Variants in RABGAP1L observed in about 807,000 individuals in gnomAD.
The protein encoded by RABGAP1L is RAB GTPase activating protein 1 like.
In RABGAP1L, 63 loss-of-function variants were observed where a neutral mutation model predicts 137.7. The ratio of observed to expected loss-of-function variants is 0.46; its 90% CI spans 0.37 to 0.56. The LOEUF (loss-of-function observed/expected upper bound fraction) is 0.56. Ranked by LOEUF, RABGAP1L falls within the 20% of genes least tolerant of loss-of-function variation. The pLI is 0.00. For missense variants in RABGAP1L, 1,095 were observed against 1,244.0 expected (o/e 0.88, Z 1.80); for synonymous variants, 431 against 433.7 (o/e 0.99, Z 0.08).
intron 13 of RABGAP1L, among the ~76,000 whole-genome samples, chr1:174,580,246 T>G (rs1381846588): frequency 6.6e-5 from 10 of 152,108 alleles, no homozygotes. Context: ...AAAGATTGAG[T>G]ATTCAGCCAT....
intron 12 of RABGAP1L, among the ~76,000 whole-genome samples, chr1:174,386,801 C>T (rs944292451): frequency 5.3e-5 from 8 of 152,034 alleles, no homozygotes; most frequent in South Asian, 4.1e-4. Flanking sequence ...GCCACCGCAC[C>T]GGCCTAGATT....
chr1:174,841,722 T>C (rs1693428283), intron 19 of RABGAP1L, among the ~76,000 whole-genome samples: 1 of 152,060 alleles, frequency 6.6e-6, no homozygotes, highest in African/African-American at 2.4e-5. Flanking sequence ...AAGAGAATCC[T>C]AAGAAAATAT....
chr1:174,609,540 T>C (rs1671029802), intron 13 of RABGAP1L, among the ~76,000 whole-genome samples: 1 of 152,146 alleles, frequency 6.6e-6, no homozygotes, highest in African/African-American at 2.4e-5. Context: ...TCATATGGTA[T>C]TAAGAACAGC....
chr1:174,808,678 A>T (rs1689575885), intron 18 of RABGAP1L, among the ~76,000 whole-genome samples: 1 of 148,362 alleles, frequency 6.7e-6, no homozygotes, highest in Non-Finnish European at 1.5e-5. Context: ...TTTGAGACAG[A>T]GTTTCACTCT....
chr1:174,347,128 CCTAA>C (rs1039139569), intron 11 of RABGAP1L, among the ~76,000 whole-genome samples: 20 of 151,212 alleles, frequency 1.3e-4, no homozygotes, highest in African/African-American at 4.4e-4. Flanking sequence ...TTTTTTTTGG[CCTAA>C]CTGATGACCT....
At chr1:174,431,204 T>C (rs555660076) in intron 13 of RABGAP1L, among the ~76,000 whole-genome samples, 1 of 152,192 alleles carries the variant, frequency 6.6e-6, no homozygotes, top group Non-Finnish European at 1.5e-5. Context: ...GGTTCAACTT[T>C]TCTCTCTCTG....
intron 15 of RABGAP1L, among the ~76,000 whole-genome samples, chr1:174,687,946 A>T (rs916483172): frequency 6.6e-6 from 1 of 152,172 alleles, no homozygotes; most frequent in Non-Finnish European, 1.5e-5. Flanking sequence ...TGTACTTGGA[A>T]ATTTCTAGAT....
intron 13 of RABGAP1L, among the ~76,000 whole-genome samples, chr1:174,540,697 T>C (rs1327121318): frequency 1.2e-4 from 18 of 152,016 alleles, no homozygotes; most frequent in South Asian, 4.2e-4. Context: ...GTTACTGTAG[T>C]CTTGTAGTAT....
At chr1:174,195,552 C>G (rs1281604586) in intron 1 of RABGAP1L, among the ~76,000 whole-genome samples, 2 of 150,304 alleles carry the variant, frequency 1.3e-5, no homozygotes, top group Non-Finnish European at 3.0e-5. Context: ...ATACTAGTAA[C>G]TTTGGGTAGG....
At chr1:174,368,107 G>A (rs1684804701) in intron 11 of RABGAP1L, 1 of 152,320 alleles carries the variant, frequency 6.6e-6, no homozygotes, top group African/African-American at 2.4e-5. Context: ...CATCTCTCAT[G>A]CACACACGCA....
rs1485554519 is a variant in RABGAP1L, at chr1:174,220,959, G to A, written c.139-13G>A. 1 of 1,580,970 alleles carries A rather than the reference G, an allele frequency of 6.3e-7. No individual in the cohort carries two copies. Among genetic ancestry groups the A allele is most frequent in the Admixed American group, 1.8e-5 (1 of 55,968 alleles). The stretch of plus-strand genomic sequence containing the variant: ...GGTAGAATTGAAACAGAATTGTCTT[G>A]CTGTGTCTGTAGATAGTTTCTAATG... On this transcript the variant is annotated splice_polypyrimidine_tract_variant and intron_variant, in intron 2 of 25. Coordinates refer to ENST00000681986, the MANE Select transcript of RABGAP1L (RefSeq NM_001366446.1).
At chr1:174,270,639 A>C (rs994512981) in intron 7 of RABGAP1L, among the ~76,000 whole-genome samples, 14 of 152,038 alleles carry the variant, frequency 9.2e-5, no homozygotes, top group Non-Finnish European at 2.1e-4. Flanking sequence ...AAAAAATAAA[A>C]AAATCCTTTA....
intron 10 of RABGAP1L, among the ~76,000 whole-genome samples, chr1:174,284,156 C>A (rs1416300453): frequency 6.6e-6 from 1 of 152,282 alleles, no homozygotes; most frequent in South Asian, 2.1e-4. Flanking sequence ...TAGCAAATTT[C>A]AAGTACACAA....
chr1:174,617,106 C>T (rs1435820297), intron 13 of RABGAP1L, among the ~76,000 whole-genome samples: 1 of 152,138 alleles, frequency 6.6e-6, no homozygotes, highest in Non-Finnish European at 1.5e-5. Flanking sequence ...GTATATTTAC[C>T]TGAGTCTTCC....
At chr1:174,700,067 T>G in intron 16 of RABGAP1L, among the ~76,000 whole-genome samples, 1 of 152,190 alleles carries the variant, frequency 6.6e-6, no homozygotes, top group East Asian at 1.9e-4. Context: ...CATAAGAGAA[T>G]AAAACATACT....
chr1:174,427,242 T>A (rs1019919035), intron 13 of RABGAP1L, among the ~76,000 whole-genome samples: 1 of 151,854 alleles, frequency 6.6e-6, no homozygotes, highest in African/African-American at 2.4e-5. Context: ...TTGTGCTGCT[T>A]AGTGGGCCAA....
intron 19 of RABGAP1L, among the ~76,000 whole-genome samples, chr1:174,866,069 TTGAG>T (rs1368611456): frequency 2.2e-5 from 3 of 136,908 alleles, no homozygotes; most frequent in African/African-American, 5.6e-5. Context: ...ATATGTATCT[TTGAG>T]AGAGAGTGAA....
chr1:174,664,730 C>CTTTTTTTTTTTTT lies in RABGAP1L; in HGVS notation c.1825-18789_1825-18788insTTTTTTTTTTTTT, dbSNP rs747671420. Reference sequence around the variant, plus strand: ...CTCTCTCTTTCTTTCTTTCTTTCTGCTTTCTTTTTTTTTTTTTTTTTTTTT... The same window carrying CTTTTTTTTTTTTT: ...CTCTCTCTTTCTTTCTTTCTTTCTGCTTTTTTTTTTTTTTTTCTTTTTTTTTTTTTTTTTTTTT... On this transcript the variant is annotated intron_variant, in intron 14 of 25. Coordinates refer to ENST00000681986, the MANE Select transcript of RABGAP1L (RefSeq NM_001366446.1). Among the ~76,000 whole-genome samples, 258 of 98,860 alleles carry CTTTTTTTTTTTTT rather than the reference C, an allele frequency of 2.6e-3. 41 individuals carry two copies. The highest frequency in any genetic ancestry group is 0.014 in the African/African-American group (225 of 15,640). 64.9% of individuals were successfully genotyped at this position (98,860 alleles called of 152,430 possible). A position where few individuals can be genotyped will look rare whatever the true frequency, so the allele number is the denominator to read the frequency against.
At chr1:174,297,722 G>T (rs1677258955) in intron 10 of RABGAP1L, among the ~76,000 whole-genome samples, 1 of 152,136 alleles carries the variant, frequency 6.6e-6, no homozygotes, top group Admixed American at 6.5e-5. Flanking sequence ...GGCTCTGGTT[G>T]CATGATTGTT....
Sources: allele counts gnomAD v4.1 joint callset (sites outside exome capture counted in the v4.1 genomes callset), GRCh38; gene constraint gnomAD v4.1.1; transcripts MANE v1.5; gene names NCBI Gene and HGNC (gene_info 2026-07-23, HGNC 2026-07-21).